DNAH12: variants seen among roughly 807,000 people sequenced by gnomAD.
DNAH12 encodes dynein axonemal heavy chain 12, also known as axonemal beta dynein heavy chain 12.
A neutral mutation model predicts 371.5 loss-of-function variants in DNAH12; 285 were observed. That is an observed-to-expected ratio of 0.77 (90% CI 0.70 to 0.85). DNAH12 has a LOEUF of 0.85. Among genes scored for constraint, DNAH12 ranks in the 40% least tolerant of loss-of-function variants. DNAH12 has a pLI of 0.00. For missense variants in DNAH12, 3,611 were observed against 3,689.4 expected (o/e 0.98, Z 0.55); for synonymous variants, 1,200 against 1,213.0 (o/e 0.99, Z 0.22).
rs2064283712 is a variant in DNAH12, at chr3:57,413,908, A to G, written c.5858T>C (p.Ile1953Thr). ...TCTTTTATCCAATCTAGCCATGATA[A>G]TGTTCTAAAATATGAAGGAAGAATG... ...ARTSANQVQNIIMARLDKRRK... is the reference protein window; with the variant it reads ...ARTSANQVQNTIMARLDKRRK... Residue 1953 changes from isoleucine (I) to threonine (T), a missense_variant, in exon 39 of 74, where the codon ATT becomes ACT. By Grantham distance (89) the Ile-to-Thr change is moderately conservative (BLOSUM62 -1). This residue lies in a region of DNAH12 where 2,266 missense variants were observed against 2,236.9 expected (regional missense o/e 1.01). Transcript: ENST00000495027. The G allele has an allele frequency of 6.5e-7, 1 of 1,549,086 alleles. No homozygotes were observed. The highest frequency in any genetic ancestry group is 8.7e-7 in the Non-Finnish European group (1 of 1,146,196).
intron 43 of DNAH12, among the ~76,000 whole-genome samples, chr3:57,397,748 G>C (rs2063774912): frequency 6.6e-6 from 1 of 152,136 alleles, no homozygotes; most frequent in African/African-American, 2.4e-5. Context: ...CCTCAAAGAA[G>C]ACACGTCCCC....
intron 2 of DNAH12, among the ~76,000 whole-genome samples, chr3:57,525,942 T>C (rs1237687769): frequency 2.6e-5 from 4 of 151,958 alleles, no homozygotes; most frequent in African/African-American, 7.2e-5. Flanking sequence ...TTTGTATTTT[T>C]AGTAGACATG....
chr3:57,411,450 C>G (rs1174885950), intron 39 of DNAH12, among the ~76,000 whole-genome samples: 2 of 143,786 alleles, frequency 1.4e-5, no homozygotes, highest in Non-Finnish European at 3.0e-5. Flanking sequence ...ATCTCTTGAA[C>G]CCAGAGGCAG....
At chr3:57,358,853 C>T (rs2062857035) in intron 58 of DNAH12, among the ~76,000 whole-genome samples, 1 of 152,144 alleles carries the variant, frequency 6.6e-6, no homozygotes. Flanking sequence ...GGCATGATCT[C>T]AGCTTACTAC....
At chr3:57,298,782 G>C (rs1206835479) in intron 70 of DNAH12, among the ~76,000 whole-genome samples, 1 of 152,062 alleles carries the variant, frequency 6.6e-6, no homozygotes, top group Non-Finnish European at 1.5e-5. Context: ...TTTACATGTT[G>C]GTCTCTTATG....
intron 55 of DNAH12, among the ~76,000 whole-genome samples, chr3:57,373,853 C>A (rs2063227823): frequency 6.6e-6 from 1 of 152,140 alleles, no homozygotes; most frequent in Admixed American, 6.5e-5. Flanking sequence ...TCTTTGCTCT[C>A]AAGTAAAGTT....
chr3:57,367,517 T>G (rs1485896447), intron 56 of DNAH12, among the ~76,000 whole-genome samples: 2 of 152,204 alleles, frequency 1.3e-5, no homozygotes, highest in Non-Finnish European at 2.9e-5. Context: ...TTCTAAAATA[T>G]ATGTAAATGA....
At chr3:57,397,053 G>C (rs1312947633) in intron 43 of DNAH12, among the ~76,000 whole-genome samples, 5 of 152,046 alleles carry the variant, frequency 3.3e-5, no homozygotes, top group Admixed American at 6.6e-5. Flanking sequence ...TATATGTCAG[G>C]AATATTATGA....
intron 55 of DNAH12, among the ~76,000 whole-genome samples, chr3:57,368,916 T>C (rs1483514693): frequency 6.6e-6 from 1 of 152,040 alleles, no homozygotes; most frequent in East Asian, 1.9e-4. Context: ...TTTAAAAATA[T>C]AGCACAGATG....
chr3:57,533,474 C>T (rs1287190370), intron 2 of DNAH12, among the ~76,000 whole-genome samples: 1 of 152,070 alleles, frequency 6.6e-6, no homozygotes, highest in Admixed American at 6.5e-5. Flanking sequence ...GACAAGCCAG[C>T]ATGCCTCAGA....
chr3:57,421,634 T>C lies in DNAH12; in HGVS notation c.5446A>G (p.Thr1816Ala). The C allele has an allele frequency of 6.4e-7, 1 of 1,551,654 alleles. No homozygotes were observed. Among genetic ancestry groups the C allele is most frequent in the Admixed American group, 2.0e-5 (1 of 51,004 alleles). The part of the protein sequence containing the change: ...CDTDGRRVFD[T>A]FIRLIILGKD... ...CCCAGTATGATTAATCGTATGAAAG[T>C]ATCAAAAACACGACGGCCATCTGTA... Residue 1816 changes from threonine to alanine, a missense_variant, in exon 36 of 74, where the codon ACT becomes GCT. Transcript: ENST00000495027.
chr3:57,306,065 C>A (rs2061463453), intron 69 of DNAH12, among the ~76,000 whole-genome samples: 1 of 152,170 alleles, frequency 6.6e-6, no homozygotes, highest in Admixed American at 6.5e-5. Context: ...GTTCAACTCA[C>A]CTGGCAGCCA....
At chr3:57,519,556 C>G in intron 4 of DNAH12, 1 of 647,754 alleles carries the variant, frequency 1.5e-6, no homozygotes, top group South Asian at 1.7e-5. Flanking sequence ...ACAGATCCAT[C>G]GACTCCTATT....
chr3:57,316,689 G>A (rs2061692627), intron 65 of DNAH12, among the ~76,000 whole-genome samples: 1 of 152,050 alleles, frequency 6.6e-6, no homozygotes, highest in African/African-American at 2.4e-5. Flanking sequence ...AATCATGGGG[G>A]CAGTTTCCCC....
intron 11 of DNAH12, among the ~76,000 whole-genome samples, chr3:57,500,378 A>C (rs2067498009): frequency 6.6e-6 from 1 of 152,198 alleles, no homozygotes; most frequent in Admixed American, 6.5e-5. Context: ...CGAATAGATT[A>C]CTTCCACAGC....
chr3:57,418,408 T>C (rs554654186), intron 37 of DNAH12, among the ~76,000 whole-genome samples: 215 of 130,326 alleles, frequency 1.6e-3, no homozygotes, highest in African/African-American at 5.7e-3. Context: ...GGCATAGTGG[T>C]GCATGCTTGT....
chr3:57,480,142 T>C (rs1461144303), intron 13 of DNAH12, among the ~76,000 whole-genome samples: 1 of 151,906 alleles, frequency 6.6e-6, no homozygotes, highest in African/African-American at 2.4e-5. Flanking sequence ...GCTGGTTTTT[T>C]GAAAAGATCA....
At chr3:57,500,288 G>A (rs926714844) in intron 11 of DNAH12, among the ~76,000 whole-genome samples, 3 of 152,174 alleles carry the variant, frequency 2.0e-5, no homozygotes, top group South Asian at 2.1e-4. Context: ...TGATCCACCC[G>A]CCTTGGCCTC....
chr3:57,468,606 CA>C, intron 17 of DNAH12, 129 bp downstream of exon 17: 1 of 557,288 alleles, frequency 1.8e-6, no homozygotes, highest in South Asian at 7.2e-5. Flanking sequence ...GACCCTGTCT[CA>C]AAAATTATTA....
Sources: gnomAD v4.1 joint callset for allele counts (sites outside exome capture counted in the v4.1 genomes callset) on GRCh38, gnomAD v4.1.1 for gene constraint, gnomAD v4.1.1 regional missense constraint, MANE v1.5 for transcripts, NCBI Gene and HGNC (gene_info 2026-07-23, HGNC 2026-07-21) for gene names.